The following NDUFA10 variants were observed in gnomAD, a reference collection of about 807,000 sequenced individuals.
The protein encoded by NDUFA10 is NADH dehydrogenase [ubiquinone] 1 alpha subcomplex subunit 10, mitochondrial.
A neutral mutation model predicts 47.8 loss-of-function variants in NDUFA10; 40 were observed. The observed-to-expected ratio is 0.84, with a 90% CI of 0.65 to 1.09. The LOEUF (loss-of-function observed/expected upper bound fraction) is 1.09. Ranked by LOEUF, NDUFA10 falls within the 50% of genes least tolerant of loss-of-function variation. The pLI, the probability that NDUFA10 is intolerant of heterozygous loss-of-function variation, is 0.00. For missense variants in NDUFA10, 413 were observed against 451.1 expected (o/e 0.92, Z 0.76); for synonymous variants, 183 against 172.2 (o/e 1.06, Z -0.49).
intron 9 of NDUFA10, among the ~76,000 whole-genome samples, chr2:239,989,101 A>G (rs1696143834): frequency 6.6e-6 from 1 of 152,242 alleles, no homozygotes; most frequent in African/African-American, 2.4e-5. Context: ...CACGTGTACA[A>G]AGACAGAAGG....
At chr2:239,915,173 T>TAC (rs1204896604) in intron 4 of NDUFA10, among the ~76,000 whole-genome samples, 2 of 96,914 alleles carry the variant, frequency 2.1e-5, no homozygotes, top group Non-Finnish European at 4.1e-5. Context: ...TACACAAACA[T>TAC]ACACACACAG....
rs556616503 is a variant in NDUFA10, at chr2:239,915,180, ACAG to A, written c.295-19869_295-19867del. On this transcript the variant is annotated intron_variant, in intron 4 of 5. Coordinates refer to the NDUFA10 transcript ENST00000419408. ...CACAGAGATACACAAACATACACAC[ACAG>A]AACACACACGTATACAGACACACAA... Among the ~76,000 whole-genome samples, 297 of 150,062 alleles carry A rather than the reference ACAG, an allele frequency of 2.0e-3. 7 individuals are homozygous for A. Among genetic ancestry groups the A allele is most frequent in the Admixed American group, 5.5e-3 (83 of 15,070 alleles).
chr2:239,957,824 A>G lies in NDUFA10; in HGVS notation c.*3294T>C, dbSNP rs1694700917. 6.6e-6 allele frequency: 1 copy of G among 152,246 alleles called. No individual in the cohort carries two copies. Among genetic ancestry groups the G allele is most frequent in the South Asian group, 2.1e-4 (1 of 4,830 alleles). The allele number at this position is 152,246 out of a possible 1,614,324, so 9.4% of individuals were successfully genotyped here. On this transcript the variant is annotated 3_prime_UTR_variant, in exon 10 of 10. Transcript: ENST00000252711. ...AACATCCAAACTCACAGAGCCTGGCATTCCGATGGGGAAGGACAGAAAGGC... is the reference window on the plus strand; with the variant it reads ...AACATCCAAACTCACAGAGCCTGGCGTTCCGATGGGGAAGGACAGAAAGGC...
At chr2:240,007,418 A>C in intron 6 of NDUFA10, 48 bp from the exon 7 acceptor site, 1 of 1,329,546 alleles carries the variant, frequency 7.5e-7, no homozygotes, top group African/African-American at 1.4e-5. Context: ...TTCCAAGCTG[A>C]AGTTAAATGT....
chr2:240,010,728 T>C (rs1234816111), intron 6 of NDUFA10, among the ~76,000 whole-genome samples: 101 of 152,198 alleles, frequency 6.6e-4, no homozygotes, highest in Non-Finnish European at 4.4e-5. Flanking sequence ...TTTCTCTTAT[T>C]CACTTTTGAT....
intron 4 of NDUFA10, among the ~76,000 whole-genome samples, chr2:239,930,692 G>A (rs1278338343): frequency 6.6e-6 from 1 of 152,172 alleles, no homozygotes; most frequent in Non-Finnish European, 1.5e-5. Flanking sequence ...GGATGCACCG[G>A]GAGCCGGACC....
intron 5 of NDUFA10, chr2:240,013,797 G>C (rs1438492911): frequency 6.6e-6 from 1 of 152,248 alleles, no homozygotes; most frequent in Non-Finnish European, 1.5e-5. Flanking sequence ...CTGAGGATGG[G>C]CATCAGAGTG....
At position 240,022,272 on chromosome 2, in the gene NDUFA10, T is replaced by C; in HGVS notation, c.144A>G (p.Lys48=). 2 of 1,614,136 alleles carry C rather than the reference T, an allele frequency of 1.2e-6. No homozygotes were observed. The highest frequency in any genetic ancestry group is 8.5e-7 in the Non-Finnish European group (1 of 1,180,032). The change falls in exon 2 of 10, where the codon AAA becomes AAG. Residue 48 remains lysine (K), a synonymous_variant. Transcript: ENST00000252711. ...TGCGTTCTGTCAGTCTTTTGCTTGCTTTATCCCCAAGTAGGAAATGCCACA... is the reference window on the plus strand; with the variant it reads ...TGCGTTCTGTCAGTCTTTTGCTTGCCTTATCCCCAAGTAGGAAATGCCACA... The part of the protein sequence containing the change: ...YGMWHFLLGD[K]ASKRLTERSR...
chr2:239,974,575 T>C (rs1441618351), intron 9 of NDUFA10, among the ~76,000 whole-genome samples: 18 of 152,242 alleles, frequency 1.2e-4, no homozygotes, highest in Non-Finnish European at 5.9e-5. Context: ...AGTGTTTGGA[T>C]CATGCGGGCT....
chr2:240,024,808 G>A (rs1156914784), intron 1 of NDUFA10, among the ~76,000 whole-genome samples: 27 of 152,228 alleles, frequency 1.8e-4, no homozygotes, highest in Admixed American at 1.8e-3. Context: ...GCGGACACAA[G>A]CACTGAACTC....
chr2:239,932,114 G>A (rs563730247), intron 4 of NDUFA10, among the ~76,000 whole-genome samples: 21 of 151,588 alleles, frequency 1.4e-4, no homozygotes, highest in Non-Finnish European at 2.2e-4. Flanking sequence ...GATTACAGGC[G>A]TGAGCCACCG....
At chr2:239,931,193 C>A (rs1694168266) in intron 4 of NDUFA10, among the ~76,000 whole-genome samples, 2 of 152,178 alleles carry the variant, frequency 1.3e-5, no homozygotes, top group African/African-American at 4.8e-5. Flanking sequence ...CGGCTTAATC[C>A]ACATGATGTA....
At chr2:239,940,873 A>G (rs1250674415) in intron 4 of NDUFA10, among the ~76,000 whole-genome samples, 2 of 152,248 alleles carry the variant, frequency 1.3e-5, no homozygotes, top group Non-Finnish European at 2.9e-5. Flanking sequence ...AGTGACCTAC[A>G]AGGAACAGAG....
chr2:239,951,625 C>G (rs567135071), intron 4 of NDUFA10, among the ~76,000 whole-genome samples: 177 of 152,294 alleles, frequency 1.2e-3, no homozygotes, highest in African/African-American at 4.0e-3. Flanking sequence ...GGCTTGGTCA[C>G]AGCCGGGCGT....
At chr2:239,988,403 C>T (rs1209432212) in intron 9 of NDUFA10, among the ~76,000 whole-genome samples, 1 of 152,078 alleles carries the variant, frequency 6.6e-6, no homozygotes, top group African/African-American at 2.4e-5. Context: ...TCTCACAAAA[C>T]GGAAAGGGGG....
intron 4 of NDUFA10, among the ~76,000 whole-genome samples, chr2:239,920,818 A>G (rs1693961110): frequency 6.6e-6 from 1 of 152,190 alleles, no homozygotes; most frequent in African/African-American, 2.4e-5. Context: ...TGGCAGATGC[A>G]GATGAACACA....
intron 4 of NDUFA10, among the ~76,000 whole-genome samples, chr2:239,920,936 C>T (rs1693965294): frequency 6.6e-6 from 1 of 152,182 alleles, no homozygotes; most frequent in Non-Finnish European, 1.5e-5. Flanking sequence ...CAGGTTTCTC[C>T]TGTCTCTCCT....
chr2:240,019,893 G>C (rs1360831555), intron 3 of NDUFA10, among the ~76,000 whole-genome samples: 1 of 150,128 alleles, frequency 6.7e-6, no homozygotes, highest in African/African-American at 2.5e-5. Flanking sequence ...TCCACGCTAC[G>C]ACATCAGCTC....
intron 5 of NDUFA10, among the ~76,000 whole-genome samples, chr2:239,894,925 C>T (rs1384740321): frequency 2.0e-5 from 3 of 152,148 alleles, no homozygotes; most frequent in South Asian, 2.1e-4. Flanking sequence ...AAGTGGAACA[C>T]GAAGTCTCTT....
Sources: gnomAD v4.1 joint callset for allele counts (sites outside exome capture counted in the v4.1 genomes callset) on GRCh38, gnomAD v4.1.1 for gene constraint, MANE v1.5 for transcripts, NCBI Gene and HGNC (gene_info 2026-07-23, HGNC 2026-07-21) for gene names.